Variants in RPL6 observed in about 807,000 individuals in gnomAD.
RPL6 encodes the protein ribosomal protein L6, also known as large ribosomal subunit protein eL6.
In RPL6, 1 loss-of-function variant was observed where a neutral mutation model predicts 32.1. The ratio of observed to expected loss-of-function variants is 0.03; its 90% CI spans 0.01 to 0.15. The LOEUF is 0.15. RPL6 is among the 10% of genes least tolerant of loss of function. The pLI is 1.00. For synonymous variants in RPL6, 126 were observed against 131.6 expected (o/e 0.96, Z 0.29); for missense variants, 275 against 354.6 (o/e 0.78, Z 1.80).
At chr12:112,406,588 A>T in intron 4 of RPL6, 159 bp downstream of exon 4, 2 of 1,014,082 alleles carry the variant, frequency 2.0e-6, no homozygotes, top group Non-Finnish European at 2.9e-6. Context: ...ACCATGGATT[A>T]CACTTCTTAT....
At chr12:112,405,788 T>C in intron 6 of RPL6, 65 bp downstream of exon 6, 1 of 1,318,984 alleles carries the variant, frequency 7.6e-7, no homozygotes, top group Non-Finnish European at 1.0e-6. Context: ...TTGTGCAACC[T>C]GTTTCTTTTC....
At chr12:112,412,817 G>C (rs1005401040), upstream of RPL6, among the ~76,000 whole-genome samples, 3 of 151,986 alleles carry the variant, frequency 2.0e-5, no homozygotes, top group Non-Finnish European at 4.4e-5. Flanking sequence ...CCAGCTACTT[G>C]GGAGGCTGAG....
intron 1 of RPL6, among the ~76,000 whole-genome samples, chr12:112,417,832 A>G (rs1383173562): frequency 2.0e-5 from 3 of 148,112 alleles, no homozygotes; most frequent in African/African-American, 7.5e-5. Context: ...TAATTTTTGT[A>G]TTTTTTGTAG....
chr12:112,406,416 T>C, intron 4 of RPL6, 74 bp from the exon 5 acceptor site: 1 of 1,371,418 alleles, frequency 7.3e-7, no homozygotes, highest in Non-Finnish European at 1.0e-6. Context: ...ATCACAGGCA[T>C]CTAAATTTGG....
intron 5 of RPL6, 65 bp downstream of exon 5, chr12:112,406,229 G>C: frequency 7.0e-7 from 1 of 1,422,916 alleles, no homozygotes; most frequent in South Asian, 1.2e-5. Flanking sequence ...GCAAACAAAC[G>C]TGTATACTGC....
intron 6 of RPL6, 152 bp from the exon 7 acceptor site, chr12:112,405,528 G>A (rs2037135156): frequency 1.2e-6 from 1 of 800,640 alleles, no homozygotes; most frequent in Non-Finnish European, 2.0e-6. Flanking sequence ...GGAATGCTGT[G>A]AAACACAACC....
In RPL6 at chr12:112,406,110, T is replaced by C. The variant is rs369936787; in HGVS notation, c.530-73A>G. On this transcript the variant is annotated intron_variant, in intron 5 of 6. Coordinates refer to ENST00000202773, the MANE Select transcript of RPL6 (RefSeq NM_000970.6). ...ATCCTGCAATTTAGGTGACCATTAC[T>C]TGTTATGTTGCTACACAAAGAAGAC... The C allele has an allele frequency of 1.0e-5, 14 of 1,374,152 alleles. No individual in the cohort carries two copies. In the East Asian group the frequency reaches 3.2e-4, roughly 32 times the overall value. 85.1% of individuals were successfully genotyped at this position (1,374,152 alleles called of 1,614,324 possible). A position where few individuals can be genotyped will look rare whatever the true frequency, so the allele number is the denominator to read the frequency against.
chr12:112,411,388 C>G (rs1053582055), upstream of RPL6: 2 of 152,174 alleles, frequency 1.3e-5, no homozygotes, highest in Non-Finnish European at 2.9e-5. Context: ...TCGAAACCAC[C>G]TGCTTCATGG....
chr12:112,406,133 G>T, intron 5 of RPL6, 96 bp from the exon 6 acceptor site: 1 of 1,278,330 alleles, frequency 7.8e-7, no homozygotes, highest in South Asian at 1.4e-5. Context: ...ACACAAAGAA[G>T]ACCACTTGTC....
intron 1 of RPL6, chr12:112,408,865 C>CG (rs2037266793): frequency 2.0e-6 from 1 of 511,616 alleles, no homozygotes; most frequent in East Asian, 3.1e-5. Flanking sequence ...ACACTATAAA[C>CG]TTTTTTTTTG....
At position 112,418,451 on chromosome 12, in the gene RPL6, C is replaced by T. The variant is rs1370745329; in HGVS notation, c.-229+277G>A. 3.0e-4 allele frequency: 55 copies of T among 184,066 alleles called. 1 individual carries two copies. The Admixed American group carries it at 3.5e-3, about 12-fold the overall frequency. 11.4% of individuals were successfully genotyped at this position (184,066 alleles called of 1,614,324 possible). On this transcript the variant is annotated intron_variant, in intron 1 of 5. Coordinates refer to the RPL6 transcript ENST00000551291. ...TAGAGATGAGGTCTTGCTTTTTTGC[C>T]CAGGCTGGCCTCGAACTCCTTGGCT...
intron 4 of RPL6, 200 bp from the exon 5 acceptor site, chr12:112,406,542 G>A (rs2037173931): frequency 2.4e-6 from 2 of 824,748 alleles, no homozygotes; most frequent in African/African-American, 1.7e-5. Context: ...ATGAACATGT[G>A]TAACATAATC....
At chr12:112,413,921 GA>G (rs1356044617), upstream of RPL6, among the ~76,000 whole-genome samples, 1 of 151,472 alleles carries the variant, frequency 6.6e-6, no homozygotes, top group Non-Finnish European at 1.5e-5. Flanking sequence ...ATAATCTAAA[GA>G]AAGACACAGA....
At chr12:112,410,506 G>A (rs1370433685), upstream of RPL6, 3 of 138,340 alleles carry the variant, frequency 2.2e-5, no homozygotes, top group Non-Finnish European at 4.6e-5. Context: ...GTACTGAGAA[G>A]CATATTTGAT....
At chr12:112,406,578 AC>A (rs2037174849) in intron 4 of RPL6, 168 bp downstream of exon 4, 2 of 963,460 alleles carry the variant, frequency 2.1e-6, no homozygotes, top group African/African-American at 3.3e-5. Flanking sequence ...CTAATAAATC[AC>A]CATGGATTAC....
At chr12:112,417,559 G>GC (rs1426195027) in intron 1 of RPL6, among the ~76,000 whole-genome samples, 1 of 117,010 alleles carries the variant, frequency 8.5e-6, no homozygotes, top group Non-Finnish European at 1.6e-5. Flanking sequence ...ACCCGGCCCG[G>GC]CTTTTTTTTT....
At chr12:112,412,189 G>A (rs550450924), upstream of RPL6, among the ~76,000 whole-genome samples, 7 of 152,132 alleles carry the variant, frequency 4.6e-5, no homozygotes, top group East Asian at 9.7e-4. Context: ...ACAGGCGCCC[G>A]CCACCATGCC....
Position 112,408,354 on chromosome 12 carries a change from T to C in RPL6, c.238-16A>G, listed in dbSNP as rs561249915. On this transcript the variant is annotated splice_polypyrimidine_tract_variant and intron_variant, in intron 2 of 6. Coordinates refer to ENST00000202773, the MANE Select transcript of RPL6 (RefSeq NM_000970.6). ...TCTTTTCAACCTACAAGGACACAAA[T>C]GCATCAACAGTAAGAGAATGCCAAT... 3.7e-6 allele frequency: 6 copies of C among 1,613,682 alleles called. No homozygotes were observed. Among genetic ancestry groups the C allele is most frequent in the African/African-American group, 1.3e-5 (1 of 74,902 alleles).
chr12:112,412,363 C>T (rs2037351505), upstream of RPL6, among the ~76,000 whole-genome samples: 1 of 151,618 alleles, frequency 6.6e-6, no homozygotes, highest in African/African-American at 2.4e-5. Context: ...TTATTGGAGA[C>T]AGGATTTCAC....
Sources: allele counts gnomAD v4.1 joint callset (sites outside exome capture counted in the v4.1 genomes callset), GRCh38; gene constraint gnomAD v4.1.1; transcripts MANE v1.5; gene names NCBI Gene and HGNC (gene_info 2026-07-23, HGNC 2026-07-21).